The following PALB2 variants were observed in gnomAD, a reference collection of about 807,000 sequenced individuals.
The protein encoded by PALB2 is mutant partner and localizer of BRCA2.
Under a neutral mutation model 107.4 loss-of-function variants are expected in PALB2, and 82 were observed. That is an observed-to-expected ratio of 0.76 (90% confidence interval 0.64 to 0.92). PALB2 has a LOEUF of 0.92. PALB2 is among the 40% of genes least tolerant of loss of function. The pLI is 0.00. For missense variants in PALB2, 1,374 were observed against 1,379.9 expected (o/e 1.00, Z 0.07); for synonymous variants, 489 against 496.8 (o/e 0.98, Z 0.21).
At position 23,635,383 on chromosome 16, in the gene PALB2, G is replaced by T; in HGVS notation, c.1163C>A (p.Pro388His). 6.2e-7 allele frequency: 1 copy of T among 1,614,024 alleles called. No individual in the cohort carries two copies. Among genetic ancestry groups the T allele is most frequent in the Non-Finnish European group, 8.5e-7 (1 of 1,180,032 alleles). The part of the protein sequence containing the change: ...PKSLSLEATS[P>H]LSAEKHSCTV... ...GCAAGAATGTTTTTCTGCAGAAAGA[G>T]GAGAGGTTGCTTCCAGGCTAAGACT... The change falls in exon 4 of 13, where the codon CCT becomes CAT. Residue 388 changes from proline to histidine, a missense_variant. Physicochemically the swap from Pro to His is moderately conservative, Grantham distance 77. Transcript: ENST00000261584.
rs1050495053 is a variant in PALB2, at chr16:23,614,645, CTTTT to C, written c.3114-558_3114-555del. Reference sequence around the variant, plus strand: ...AAAGTTTGTTGGAATCACTTCCCAGCTTTTTTTTTTTTTTTTTTTTTTTGAGACG... The same window carrying C: ...AAAGTTTGTTGGAATCACTTCCCAGCTTTTTTTTTTTTTTTTTTTGAGACG... On this transcript the variant is annotated intron_variant, in intron 10 of 12. Transcript: ENST00000261584. Among the ~76,000 whole-genome samples, 4 of 107,156 alleles carry C rather than the reference CTTTT, an allele frequency of 3.7e-5. No homozygotes were observed. The East Asian group carries it at 9.5e-4, about 25-fold the overall frequency. The allele number at this position is 107,156 out of a possible 152,430, so 70.3% of individuals were successfully genotyped here. A position where few individuals can be genotyped will look rare whatever the true frequency, so the allele number is the denominator to read the frequency against.
intron 1 of PALB2, among the ~76,000 whole-genome samples, chr16:23,638,853 T>G (rs1368312959): frequency 2.6e-5 from 4 of 151,998 alleles, no homozygotes; most frequent in Admixed American, 2.0e-4. Context: ...AGGAGCTAGT[T>G]TTGGGAAGAT....
rs555679660 is a variant in PALB2 at position 23,631,338 on chromosome 16, G to A, written c.1685-869C>T. Among the ~76,000 whole-genome samples the A allele has an allele frequency of 5.1e-4, 75 of 148,514 alleles. 2 individuals are homozygous for A. The South Asian group carries it at 0.016, about 32-fold the overall frequency. On this transcript the variant is annotated intron_variant, in intron 4 of 12. Coordinates refer to ENST00000261584, the MANE Select transcript of PALB2 (RefSeq NM_024675.4). ...AAAAAAATTAGCTGGGCATGGTGGT[G>A]CGTGCCTGTGATCTCAGCTACTCAG...
chr16:23,627,002 T>A (rs1966844146), intron 6 of PALB2, among the ~76,000 whole-genome samples: 1 of 152,134 alleles, frequency 6.6e-6, no homozygotes, highest in Non-Finnish European at 1.5e-5. Flanking sequence ...ACTTATCCAT[T>A]TGAAAATTAA....
At chr16:23,639,989 G>T (rs1444295930) in intron 1 of PALB2, among the ~76,000 whole-genome samples, 2 of 152,028 alleles carry the variant, frequency 1.3e-5, no homozygotes, top group East Asian at 3.9e-4. Flanking sequence ...TGGTTCAAGC[G>T]ATTCTCGTGC....
intron 12 of PALB2, 123 bp from the exon 13 acceptor site, chr16:23,603,792 A>T: frequency 1.2e-6 from 1 of 829,494 alleles, no homozygotes; most frequent in Non-Finnish European, 1.9e-6. Context: ...GTAACTATGA[A>T]TGCCTACATT....
intron 11 of PALB2, among the ~76,000 whole-genome samples, chr16:23,609,278 G>C (rs1350407421): frequency 6.6e-6 from 1 of 152,118 alleles, no homozygotes; most frequent in African/African-American, 2.4e-5. Flanking sequence ...TTAAAATTTA[G>C]CTGGGTGCTG....
chr16:23,624,663 G>A (rs899446009), intron 7 of PALB2, among the ~76,000 whole-genome samples: 10 of 152,186 alleles, frequency 6.6e-5, no homozygotes, highest in African/African-American at 2.4e-4. Flanking sequence ...ACAGGCATTC[G>A]CCACCACACC....
chr16:23,628,616 A>C (rs1024326960), intron 6 of PALB2, among the ~76,000 whole-genome samples: 2 of 152,050 alleles, frequency 1.3e-5, no homozygotes, highest in Admixed American at 6.6e-5. Context: ...CTCTCATTTC[A>C]CTCCGTCAAA....
chr16:23,625,544 C>G (rs1182141693), intron 7 of PALB2, among the ~76,000 whole-genome samples: 1 of 152,084 alleles, frequency 6.6e-6, no homozygotes, highest in Non-Finnish European at 1.5e-5. Context: ...CCTGTAATCC[C>G]AGCACTTTGC....
At chr16:23,604,047 G>T (rs1419708906) in intron 12 of PALB2, among the ~76,000 whole-genome samples, 1 of 152,152 alleles carries the variant, frequency 6.6e-6, no homozygotes, top group Non-Finnish European at 1.5e-5. Flanking sequence ...CATCATTCAG[G>T]CCTGTTATGT....
chr16:23,629,297 C>T (rs1235607002), intron 5 of PALB2, 22 bp from the exon 6 acceptor site: 3 of 1,591,026 alleles, frequency 1.9e-6, no homozygotes, highest in Non-Finnish European at 2.6e-6. Flanking sequence ...AAAGTCACAT[C>T]ATTAGTCTAC....
At chr16:23,632,744 C>T (rs1966893130) in intron 4 of PALB2, among the ~76,000 whole-genome samples, 1 of 152,226 alleles carries the variant, frequency 6.6e-6, no homozygotes, top group South Asian at 2.1e-4. Flanking sequence ...TGAATGTCAC[C>T]TTGAGAAAAA....
At position 23,629,240 on chromosome 16, in the gene PALB2, T is replaced by TAAA; in HGVS notation, c.2549_2550insTTT (p.Ile850_Asn851insLeu). On this transcript the variant is annotated inframe_insertion, in exon 6 of 13. Transcript: ENST00000261584. ...AAACCAATTGTAGGTTGCCTGGGTT[T>TAAA]ATGCTATCAGAAGCAGGAAGCTCTG... The TAAA allele has an allele frequency of 1.2e-6, 2 of 1,613,800 alleles. No homozygotes were observed. The highest frequency in any genetic ancestry group is 2.2e-5 in the South Asian group (2 of 91,084).
chr16:23,619,957 T>C (rs1966744800), intron 10 of PALB2, among the ~76,000 whole-genome samples: 1 of 152,092 alleles, frequency 6.6e-6, no homozygotes, highest in Non-Finnish European at 1.5e-5. Context: ...TTTTTGTATT[T>C]TTAGTAGAGC....
intron 3 of PALB2, among the ~76,000 whole-genome samples, chr16:23,637,114 G>A (rs542379034): frequency 4.6e-5 from 7 of 152,110 alleles, no homozygotes; most frequent in South Asian, 2.1e-4. Context: ...TGGGCGTGGC[G>A]GTGTGCGCCT....
Position 23,614,079 on chromosome 16 carries a change from A to T in PALB2, c.3126T>A (p.Thr1042=). ...MNNIVIWNLK[T]GQLLKKMHID... is the part of the protein sequence containing the mutation. ...TGTGCATCTTTTTCAGGAGTTGACC[A>T]GTTTTTAAATTCCTTAGATAACAAA... Residue 1042 remains threonine, a synonymous_variant, in exon 11 of 13, where the codon ACT becomes ACA. Transcript: ENST00000261584. 1 of 1,611,038 alleles carries T rather than the reference A, an allele frequency of 6.2e-7. No individual in the cohort carries two copies. The highest frequency in any genetic ancestry group is 8.5e-7 in the Non-Finnish European group (1 of 1,177,428).
At chr16:23,640,379 G>A (rs933666415) in intron 1 of PALB2, 1 of 202,106 alleles carries the variant, frequency 4.9e-6, no homozygotes, top group Non-Finnish European at 1.0e-5. Context: ...TGGCGGGTTC[G>A]TGTAATCCCA....
chr16:23,637,641 G>A (rs945777855), intron 3 of PALB2, among the ~76,000 whole-genome samples: 7 of 152,152 alleles, frequency 4.6e-5, no homozygotes, highest in Admixed American at 2.6e-4. Context: ...GGAGTTGGAG[G>A]TTGTAGTGAG....
Sources: gnomAD v4.1 joint callset for allele counts (sites outside exome capture counted in the v4.1 genomes callset) on GRCh38, gnomAD v4.1.1 for gene constraint, MANE v1.5 for transcripts, NCBI Gene and HGNC (gene_info 2026-07-23, HGNC 2026-07-21) for gene names.